Variants in NIPBL observed in about 807,000 individuals in gnomAD.
NIPBL encodes the protein NIPBL cohesin loading factor, also known as nipped-B-like protein.
NIPBL carries 19 observed loss-of-function variants against 321.8 expected under a neutral mutation model. The observed-to-expected ratio is 0.06, with a 90% CI of 0.04 to 0.09. The LOEUF (loss-of-function observed/expected upper bound fraction) is 0.09, where lower values mean the gene tolerates loss of function less well. Among genes scored for constraint, NIPBL ranks in the 10% least tolerant of loss-of-function variants. The probability of loss-of-function intolerance (pLI) is 1.00; values close to 1 mark genes in which losing one functional copy is unlikely to be tolerated. For synonymous variants in NIPBL, 1,106 were observed against 1,114.1 expected (o/e 0.99, Z 0.14); for missense variants, 2,210 against 3,327.0 (o/e 0.66, Z 8.26).
intron 32 of NIPBL, among the ~76,000 whole-genome samples, chr5:37,028,703 A>G (rs143805739): frequency 1.4e-3 from 202 of 149,400 alleles, no homozygotes; most frequent in African/African-American, 4.8e-3. Flanking sequence ...TTTAGCATCT[A>G]TCTATCTGTA....
Position 37,019,294 on chromosome 5 carries a change from T to C in NIPBL, c.4921-17T>C. 3 of 1,529,292 alleles carry C rather than the reference T, an allele frequency of 2.0e-6. No homozygotes were observed. The highest frequency in any genetic ancestry group is 2.7e-6 in the Non-Finnish European group (3 of 1,103,060). 94.7% of individuals were successfully genotyped at this position (1,529,292 alleles called of 1,614,324 possible). A position where few individuals can be genotyped will look rare whatever the true frequency, so the allele number is the denominator to read the frequency against. On this transcript the variant is annotated splice_polypyrimidine_tract_variant and intron_variant, in intron 24 of 46. Transcript: ENST00000282516. ...ACCAGTAATATCTTTTTTGTTCTTATTTGGTTTATTCTATAGGTTTCAGGA... is the reference window on the plus strand; with the variant it reads ...ACCAGTAATATCTTTTTTGTTCTTACTTGGTTTATTCTATAGGTTTCAGGA...
At chr5:36,972,118 G>A in intron 8 of NIPBL, 77 bp downstream of exon 8, 4 of 928,592 alleles carry the variant, frequency 4.3e-6, no homozygotes, top group African/African-American at 1.7e-5. Context: ...TCCTAAAGCA[G>A]ATATTAAAAA....
At chr5:36,903,048 T>C (rs1431840610) in intron 1 of NIPBL, among the ~76,000 whole-genome samples, 1 of 152,178 alleles carries the variant, frequency 6.6e-6, no homozygotes, top group East Asian at 1.9e-4. Flanking sequence ...GGGATTACAT[T>C]CTTGATTTGA....
In NIPBL at chr5:36,877,150, C is replaced by T. The variant is rs557864476; in HGVS notation, c.-108C>T. 7 of 310,466 alleles carry T rather than the reference C, an allele frequency of 2.3e-5. No individual in the cohort carries two copies. Among genetic ancestry groups the T allele is most frequent in the Non-Finnish European group, 3.5e-5 (6 of 171,102 alleles). 19.2% of individuals were successfully genotyped at this position (310,466 alleles called of 1,614,324 possible). On this transcript the variant is annotated 5_prime_UTR_variant, in exon 1 of 47. Transcript: ENST00000282516. ...CTCTCGCCACAGCGGCCTCGGCCTC[C>T]CCTTGGATTCAGACGCCGATTCGCC...
chr5:37,049,905 C>T (rs930561560), intron 40 of NIPBL, among the ~76,000 whole-genome samples: 1 of 152,100 alleles, frequency 6.6e-6, no homozygotes, highest in African/African-American at 2.4e-5. Context: ...AGAGTCTATA[C>T]CCTTCAAGAT....
At chr5:36,968,437 C>G (rs920734721) in intron 6 of NIPBL, among the ~76,000 whole-genome samples, 1 of 151,772 alleles carries the variant, frequency 6.6e-6, no homozygotes, top group Admixed American at 6.6e-5. Flanking sequence ...GGCGTAGTGG[C>G]AGGCGCCTGT....
intron 24 of NIPBL, among the ~76,000 whole-genome samples, chr5:37,018,016 C>A (rs915621454): frequency 3.9e-5 from 6 of 152,082 alleles, no homozygotes; most frequent in Non-Finnish European, 1.5e-5. Context: ...CCCCTGAATT[C>A]TCTAATGCAG....
chr5:36,997,774 A>G (rs912344155), intron 11 of NIPBL, among the ~76,000 whole-genome samples: 3 of 152,178 alleles, frequency 2.0e-5, no homozygotes, highest in Admixed American at 6.6e-5. Context: ...CACATAAACA[A>G]CCAAATGGTC....
At chr5:36,998,978 A>G (rs1746472319) in intron 11 of NIPBL, among the ~76,000 whole-genome samples, 1 of 152,268 alleles carries the variant, frequency 6.6e-6, no homozygotes, top group South Asian at 2.1e-4. Context: ...CCTTTTTGCT[A>G]TCCAAGCCTG....
intron 1 of NIPBL, among the ~76,000 whole-genome samples, chr5:36,889,648 T>A (rs1051293475): frequency 7.2e-5 from 11 of 152,202 alleles, no homozygotes; most frequent in South Asian, 6.2e-4. Flanking sequence ...ACCTAGCTGT[T>A]GAGCCACATT....
intron 9 of NIPBL, among the ~76,000 whole-genome samples, chr5:36,977,102 G>C (rs1019499063): frequency 2.0e-5 from 3 of 151,734 alleles, no homozygotes; most frequent in African/African-American, 7.3e-5. Flanking sequence ...TTAGTAATTT[G>C]GTATACACTG....
intron 1 of NIPBL, among the ~76,000 whole-genome samples, chr5:36,950,808 G>A (rs927466789): frequency 6.6e-6 from 1 of 152,136 alleles, no homozygotes; most frequent in Non-Finnish European, 1.5e-5. Context: ...TAGCTAGTTA[G>A]TTAGGGTTGT....
Position 37,008,743 on chromosome 5 carries a change from G to A in NIPBL, c.4421+20G>A. 8.1e-7 allele frequency: 1 copy of A among 1,240,808 alleles called. No homozygotes were observed. The allele number at this position is 1,240,808 out of a possible 1,614,324, so 76.9% of individuals were successfully genotyped here. A position where few individuals can be genotyped will look rare whatever the true frequency, so the allele number is the denominator to read the frequency against. On this transcript the variant is annotated intron_variant, in intron 20 of 46. Coordinates refer to ENST00000282516, the MANE Select transcript of NIPBL (RefSeq NM_133433.4). ...CTTCAGGTAATTAATTATAACAGAG[G>A]TCAAGTTTAATGAAGAACCACCATT...
At chr5:36,986,447 A>T in intron 10 of NIPBL, 146 bp downstream of exon 10, 1 of 565,592 alleles carries the variant, frequency 1.8e-6, no homozygotes, top group Non-Finnish European at 2.7e-6. Context: ...AATTTTTTTC[A>T]GGAGTATAGA....
Position 36,976,343 on chromosome 5 carries a change from G to C in NIPBL, c.1436G>C (p.Arg479Pro). ...VELDALAEIE[R>P]IERESAIERE... ...TTGGATGCATTGGCTGAAATTGAGC[G>C]AATAGAGAGAGAATCAGCTATTGAA... Residue 479 changes from arginine to proline, a missense_variant, in exon 9 of 47, where the codon CGA becomes CCA. By Grantham distance (103) the Arg-to-Pro change is moderately radical. Coordinates refer to ENST00000282516, the MANE Select transcript of NIPBL (RefSeq NM_133433.4). 1 of 1,612,466 alleles carries C rather than the reference G, an allele frequency of 6.2e-7. No homozygotes were observed.
intron 1 of NIPBL, among the ~76,000 whole-genome samples, chr5:36,919,783 A>G (rs1748778469): frequency 6.6e-6 from 1 of 152,186 alleles, no homozygotes; most frequent in Admixed American, 6.5e-5. Context: ...GAACATAGAG[A>G]TTCTTATTAA....
chr5:36,993,537 T>A (rs1435296924), intron 10 of NIPBL, among the ~76,000 whole-genome samples: 1 of 152,160 alleles, frequency 6.6e-6, no homozygotes, highest in Non-Finnish European at 1.5e-5. Flanking sequence ...GCACAAGAAC[T>A]AGTACATATT....
chr5:36,979,129 C>T (rs564380831), intron 9 of NIPBL, among the ~76,000 whole-genome samples: 8 of 151,880 alleles, frequency 5.3e-5, no homozygotes, highest in Admixed American at 1.3e-4. Flanking sequence ...TGAAAAATTA[C>T]GTTGGTAGTT....
intron 42 of NIPBL, among the ~76,000 whole-genome samples, chr5:37,056,590 T>C (rs1367396497): frequency 6.6e-6 from 1 of 152,174 alleles, no homozygotes; most frequent in African/African-American, 2.4e-5. Flanking sequence ...GAATTACATA[T>C]ACACAGGAAA....
Sources: allele counts gnomAD v4.1 joint callset (sites outside exome capture counted in the v4.1 genomes callset), GRCh38; gene constraint gnomAD v4.1.1; transcripts MANE v1.5; gene names NCBI Gene and HGNC (gene_info 2026-07-23, HGNC 2026-07-21).